Variants in MTIF2 observed in about 807,000 individuals in gnomAD.
MTIF2 encodes mitochondrial translational initiation factor 2, also known as translation initiation factor IF-2, mitochondrial.
In MTIF2, 71 loss-of-function variants were observed where a neutral mutation model predicts 83.5. That is an observed-to-expected ratio of 0.85 (90% confidence interval 0.70 to 1.04). The LOEUF is 1.04. Ranked by LOEUF, MTIF2 falls within the 50% of genes least tolerant of loss-of-function variation. The pLI, the probability that MTIF2 is intolerant of heterozygous loss-of-function variation, is 0.00. For synonymous variants in MTIF2, 319 were observed against 287.1 expected, an observed-to-expected ratio of 1.11 and a Z score of -1.12; for missense variants, 957 against 846.5, an observed-to-expected ratio of 1.13 and a Z score of -1.62.
intron 13 of MTIF2, among the ~76,000 whole-genome samples, chr2:55,240,799 G>A (rs532509615): frequency 4.2e-4 from 64 of 152,162 alleles, no homozygotes; most frequent in Non-Finnish European, 7.1e-4. Context: ...TCATACCAGA[G>A]AAATAAAAAC....
chr2:55,257,615 C>T (rs1293521108), intron 5 of MTIF2, among the ~76,000 whole-genome samples: 7 of 152,192 alleles, frequency 4.6e-5, no homozygotes, highest in Non-Finnish European at 1.0e-4. Context: ...ACAGTATTCT[C>T]CAATTTCCAT....
rs1221195792 is a variant in MTIF2, at chr2:55,237,401, G to A, written c.1898C>T (p.Ser633Phe). 9.3e-6 allele frequency: 15 copies of A among 1,612,420 alleles called. No individual in the cohort carries two copies. The highest frequency in any genetic ancestry group is 1.2e-5 in the Non-Finnish European group (14 of 1,179,778). Residue 633 changes from serine (S) to phenylalanine (F), a missense_variant, in exon 15 of 16, where the codon TCT becomes TTT. Physicochemically the swap from Ser to Phe is radical, Grantham distance 155. Around this residue, in one of 3 missense-constraint regions of MTIF2, gnomAD observed 221 missense variants for 180.6 expected, o/e 1.22. Coordinates refer to ENST00000263629, the MANE Select transcript of MTIF2 (RefSeq NM_002453.3). ...AACTTTTTTCTTCCCTTCTGTTACA[G>A]AGAAGGTAGCTAGTATAGATGCCTC... ...VGEASILATF[S>F]VTEGKKKVPV... is the part of the protein sequence containing the mutation.
At chr2:55,246,555 T>G in intron 9 of MTIF2, 94 bp from the exon 10 acceptor site, 1 of 997,318 alleles carries the variant, frequency 1.0e-6, no homozygotes, top group Non-Finnish European at 1.5e-6. Context: ...ACTTGCAAGT[T>G]ATATTATACT....
At chr2:55,252,408 G>A (rs1310353227) in intron 8 of MTIF2, 69 bp downstream of exon 8, 5 of 1,317,192 alleles carry the variant, frequency 3.8e-6, no homozygotes, top group Non-Finnish European at 4.3e-6. Context: ...AAGACTAAAT[G>A]AGCTATATGT....
intron 10 of MTIF2, among the ~76,000 whole-genome samples, chr2:55,244,575 G>C (rs533041463): frequency 5.3e-5 from 8 of 152,254 alleles, no homozygotes; most frequent in Admixed American, 3.9e-4. Context: ...TTCTTCCAAA[G>C]AAAATGTGGA....
chr2:55,262,332 T>A lies in MTIF2; in HGVS notation c.315A>T (p.Ala105=). 9 of 1,611,860 alleles carry A rather than the reference T, an allele frequency of 5.6e-6. No homozygotes were observed. Among genetic ancestry groups the A allele is most frequent in the Non-Finnish European group, 7.6e-6 (9 of 1,178,912 alleles). Residue 105 remains alanine (A), a synonymous_variant, in exon 5 of 16, where the codon GCA becomes GCT. Coordinates refer to ENST00000263629, the MANE Select transcript of MTIF2 (RefSeq NM_002453.3). ...CTGACTCACCTGTGTTTTTTTCCATTGCCCTGGCCAGTTCCTCAATAGTCA... is the reference window on the plus strand; with the variant it reads ...CTGACTCACCTGTGTTTTTTTCCATAGCCCTGGCCAGTTCCTCAATAGTCA... The part of the protein sequence containing the change: ...IGMTIEELAR[A]MEKNTDYVYE...
intron 9 of MTIF2, among the ~76,000 whole-genome samples, chr2:55,246,943 A>C (rs1367198883): frequency 6.6e-6 from 1 of 152,192 alleles, no homozygotes; most frequent in East Asian, 1.9e-4. Context: ...ATCAAGCATG[A>C]CTTACCCTTA....
At chr2:55,241,473 CA>C (rs1676301795) in intron 13 of MTIF2, among the ~76,000 whole-genome samples, 1 of 149,750 alleles carries the variant, frequency 6.7e-6, no homozygotes, top group Admixed American at 6.7e-5. Context: ...TTGTCTTAAA[CA>C]AAATGAATGA....
At chr2:55,245,720 A>G (rs1676645618) in intron 10 of MTIF2, among the ~76,000 whole-genome samples, 1 of 150,610 alleles carries the variant, frequency 6.6e-6, no homozygotes, top group Non-Finnish European at 1.5e-5. Flanking sequence ...TAACATAATA[A>G]ATGGGATGTT....
At chr2:55,251,911 C>T (rs568372470) in intron 8 of MTIF2, among the ~76,000 whole-genome samples, 1 of 152,302 alleles carries the variant, frequency 6.6e-6, no homozygotes, top group African/African-American at 2.4e-5. Context: ...CAGGTGTGAG[C>T]CCCCACTCCC....
At chr2:55,244,540 T>C (rs935685268) in intron 10 of MTIF2, among the ~76,000 whole-genome samples, 28 of 152,202 alleles carry the variant, frequency 1.8e-4, no homozygotes, top group African/African-American at 6.5e-4. Flanking sequence ...GCAACTCAAA[T>C]GTCCATCAAA....
intron 5 of MTIF2, among the ~76,000 whole-genome samples, chr2:55,260,400 CAAAAAA>C (rs70947016): frequency 1.1e-5 from 1 of 87,420 alleles, no homozygotes; most frequent in Non-Finnish European, 2.4e-5. Context: ...AACTCTGTCT[CAAAAAA>C]AAAAAAAAAA....
intron 3 of MTIF2, among the ~76,000 whole-genome samples, chr2:55,266,062 T>C (rs1573929930): frequency 6.6e-6 from 1 of 152,148 alleles, no homozygotes; most frequent in African/African-American, 2.4e-5. Context: ...TCTGTAAATT[T>C]TGGCATGCGG....
chr2:55,265,333 T>C (rs1180234787), intron 3 of MTIF2, among the ~76,000 whole-genome samples: 1 of 150,916 alleles, frequency 6.6e-6, no homozygotes, highest in Non-Finnish European at 1.5e-5. Context: ...CTTGATATTG[T>C]TGATTCAAAG....
At chr2:55,251,472 T>A (rs1050882554) in intron 8 of MTIF2, among the ~76,000 whole-genome samples, 1 of 152,234 alleles carries the variant, frequency 6.6e-6, no homozygotes, top group African/African-American at 2.4e-5. Flanking sequence ...GTTTTCATGC[T>A]GTAAAATGAA....
chr2:55,269,006 A>G (rs1221552904), intron 1 of MTIF2, 163 bp downstream of exon 1: 1 of 152,072 alleles, frequency 6.6e-6, no homozygotes, highest in African/African-American at 2.4e-5. Flanking sequence ...GTGAATGCCT[A>G]ACGTGGGCTC....
At position 55,242,926 on chromosome 2, in the gene MTIF2, A is replaced by C; in HGVS notation, c.1705+14T>G. ...TGGGGAACACAGATTAACAAGAAGA[A>C]ATGGAATCCTTACCATCAAATGTTT... On this transcript the variant is annotated intron_variant, in intron 13 of 15. Coordinates refer to ENST00000263629, the MANE Select transcript of MTIF2 (RefSeq NM_002453.3). 1 of 1,601,122 alleles carries C rather than the reference A, an allele frequency of 6.2e-7. No homozygotes were observed. The highest frequency in any genetic ancestry group is 8.5e-7 in the Non-Finnish European group (1 of 1,175,560).
chr2:55,244,740 C>A (rs1321038768), intron 10 of MTIF2, among the ~76,000 whole-genome samples: 5 of 151,650 alleles, frequency 3.3e-5, no homozygotes, highest in Non-Finnish European at 7.4e-5. Flanking sequence ...CATAGCAGGA[C>A]CCTATCTCAA....
chr2:55,262,631 C>T (rs1285877006), intron 4 of MTIF2, among the ~76,000 whole-genome samples: 2 of 150,812 alleles, frequency 1.3e-5, no homozygotes, highest in Non-Finnish European at 2.9e-5. Context: ...CAATCTCTGC[C>T]TACTGGGTTC....
Sources: gnomAD v4.1 joint callset for allele counts (sites outside exome capture counted in the v4.1 genomes callset) on GRCh38, gnomAD v4.1.1 for gene constraint, gnomAD v4.1.1 regional missense constraint, MANE v1.5 for transcripts, NCBI Gene and HGNC (gene_info 2026-07-23, HGNC 2026-07-21) for gene names.